PPFIBP2: variants seen among roughly 807,000 people sequenced by gnomAD.
PPFIBP2 encodes PPFIB scaffold protein 2.
PPFIBP2 carries 118 observed loss-of-function variants against 118.3 expected under a neutral mutation model. That is an observed-to-expected ratio of 1.00 (90% CI 0.86 to 1.16). PPFIBP2 has a LOEUF of 1.16. Among genes scored for constraint, PPFIBP2 ranks in the 50% most tolerant of loss-of-function variants. The probability of loss-of-function intolerance (pLI) is 0.00; values close to 1 mark genes in which losing one functional copy is unlikely to be tolerated. For missense variants in PPFIBP2, 1,195 were observed against 1,073.1 expected, an observed-to-expected ratio of 1.11 and a Z score of -1.59; for synonymous variants, 414 against 397.4, an observed-to-expected ratio of 1.04 and a Z score of -0.50.
At chr11:7,645,006 G>A (rs957172540) in intron 17 of PPFIBP2, among the ~76,000 whole-genome samples, 4 of 119,124 alleles carry the variant, frequency 3.4e-5, no homozygotes, top group African/African-American at 7.2e-5. Flanking sequence ...CAGCCTGGGC[G>A]ACAGAGCAAG....
chr11:7,630,296 C>T (rs1400201620), intron 10 of PPFIBP2, among the ~76,000 whole-genome samples: 4 of 152,200 alleles, frequency 2.6e-5, no homozygotes, highest in Non-Finnish European at 4.4e-5. Context: ...CCTCTGCCAG[C>T]CCTCACACAC....
At chr11:7,554,492 A>C (rs951178221) in intron 2 of PPFIBP2, among the ~76,000 whole-genome samples, 2 of 152,204 alleles carry the variant, frequency 1.3e-5, no homozygotes, top group African/African-American at 4.8e-5. Flanking sequence ...TGCAAAAAAA[A>C]GTCTGTCTCC....
At chr11:7,549,616 T>TTTC in intron 2 of PPFIBP2, 77 bp downstream of exon 2, 3 of 1,381,002 alleles carry the variant, frequency 2.2e-6, no homozygotes, top group Non-Finnish European at 2.9e-6. Flanking sequence ...TTACTTTTTT[T>TTTC]TTTTTTTTTG....
chr11:7,596,396 T>G (rs929177459), intron 4 of PPFIBP2, among the ~76,000 whole-genome samples: 1 of 151,990 alleles, frequency 6.6e-6, no homozygotes. Context: ...CTTGTTTTTT[T>G]TTTTTTTTTT....
In PPFIBP2 at chr11:7,648,433, G is replaced by A. The variant is rs1239226460; in HGVS notation, c.1693G>A (p.Ala565Thr). 5.6e-6 allele frequency: 9 copies of A among 1,614,026 alleles called. No individual in the cohort carries two copies. The highest frequency in any genetic ancestry group is 6.8e-6 in the Non-Finnish European group (8 of 1,180,044). ...FAQWSTERVC[A>T]WLEDFGLAQY... is the part of the protein sequence containing the mutation. Reference sequence around the variant, plus strand: ...CCAGTGGAGCACAGAGCGTGTGTGTGCATGGCTGGAGGACTTTGGCCTGGC... The same window carrying A: ...CCAGTGGAGCACAGAGCGTGTGTGTACATGGCTGGAGGACTTTGGCCTGGC... The change falls in exon 18 of 24, where the codon GCA becomes ACA. Residue 565 changes from alanine (A) to threonine (T), a missense_variant. Coordinates refer to ENST00000299492, the MANE Select transcript of PPFIBP2 (RefSeq NM_003621.5).
At chr11:7,635,345 G>T (rs1851315684) in intron 13 of PPFIBP2, among the ~76,000 whole-genome samples, 1 of 152,208 alleles carries the variant, frequency 6.6e-6, no homozygotes, top group Admixed American at 6.5e-5. Context: ...CCATGGTCAT[G>T]TTGCTGGCAG....
chr11:7,555,440 C>T (rs781767055), intron 2 of PPFIBP2, among the ~76,000 whole-genome samples: 17 of 152,174 alleles, frequency 1.1e-4, no homozygotes, highest in Non-Finnish European at 1.8e-4. Flanking sequence ...AGATTGTTCA[C>T]GTTGGCTTGT....
intron 5 of PPFIBP2, among the ~76,000 whole-genome samples, chr11:7,600,312 T>G (rs935422547): frequency 2.6e-5 from 4 of 152,222 alleles, no homozygotes; most frequent in African/African-American, 9.6e-5. Context: ...AAATCCAAAG[T>G]TGAATGTTCG....
chr11:7,539,961 C>G (rs1187374590), intron 1 of PPFIBP2, among the ~76,000 whole-genome samples: 1 of 152,158 alleles, frequency 6.6e-6, no homozygotes, highest in Non-Finnish European at 1.5e-5. Flanking sequence ...CACAATGTGT[C>G]TCTTTTCACC....
intron 16 of PPFIBP2, 47 bp from the exon 17 acceptor site, chr11:7,642,251 C>A: frequency 6.2e-7 from 1 of 1,606,300 alleles, no homozygotes; most frequent in Non-Finnish European, 8.5e-7. Context: ...TGACTGTAGG[C>A]TTTCTGACTA....
downstream of PPFIBP2, among the ~76,000 whole-genome samples, chr11:7,661,321 G>T (rs985207293): frequency 1.3e-5 from 2 of 149,770 alleles, no homozygotes; most frequent in Non-Finnish European, 3.0e-5. Context: ...TGCTTTGAAT[G>T]TGTCCCAGAG....
At chr11:7,630,704 A>T (rs771551182) in intron 10 of PPFIBP2, among the ~76,000 whole-genome samples, 1 of 150,716 alleles carries the variant, frequency 6.6e-6, no homozygotes, top group Non-Finnish European at 1.5e-5. Flanking sequence ...GCAGGGGTAC[A>T]TTACCTCTGT....
At chr11:7,633,801 G>A (rs927501469) in intron 12 of PPFIBP2, among the ~76,000 whole-genome samples, 13 of 152,152 alleles carry the variant, frequency 8.5e-5, no homozygotes, top group Admixed American at 6.5e-4. Context: ...CAAGGAACTC[G>A]GACTGACCAG....
the PPFIBP2 span, chr11:7,666,385 A>T: frequency 1.0e-6 from 1 of 1,002,270 alleles, no homozygotes; most frequent in Non-Finnish European, 1.6e-6. Context: ...AGAGACAGAG[A>T]CCAGTCCTCA....
In PPFIBP2 at chr11:7,650,948, G is replaced by A. The variant is rs1263471317; in HGVS notation, c.2230G>A (p.Val744Ile). 2.5e-6 allele frequency: 4 copies of A among 1,613,794 alleles called. No individual in the cohort carries two copies. Among genetic ancestry groups the A allele is most frequent in the Non-Finnish European group, 2.5e-6 (3 of 1,179,768 alleles). Reference sequence around the variant, plus strand: ...TGCACCCAATCTTCGAGGGAGTGGAGTCCATGGAGGCCTCATTGTGAGTGG... The same window carrying A: ...TGCACCCAATCTTCGAGGGAGTGGAATCCATGGAGGCCTCATTGTGAGTGG... Reference protein sequence around the residue: ...EYAPNLRGSGVHGGLIILEPR... With the variant: ...EYAPNLRGSGIHGGLIILEPR... The change falls in exon 22 of 24, where the codon GTC becomes ATC. Residue 744 changes from valine to isoleucine, a missense_variant. Val to Ile is a conservative substitution (Grantham distance 29, BLOSUM62 3). Coordinates refer to ENST00000299492, the MANE Select transcript of PPFIBP2 (RefSeq NM_003621.5).
chr11:7,577,684 G>C, intron 3 of PPFIBP2: 2 of 455,884 alleles, frequency 4.4e-6, no homozygotes, highest in Non-Finnish European at 8.8e-6. Flanking sequence ...AGATAAGTGA[G>C]GGGGAGACGC....
At chr11:7,576,730 G>C (rs1051097865) in intron 3 of PPFIBP2, 5 of 152,530 alleles carry the variant, frequency 3.3e-5, no homozygotes, top group Non-Finnish European at 5.9e-5. Context: ...CAACAGTCCA[G>C]GGCCAGACTC....
intron 6 of PPFIBP2, among the ~76,000 whole-genome samples, chr11:7,614,684 G>A (rs1208102475): frequency 1.3e-5 from 2 of 152,124 alleles, no homozygotes; most frequent in African/African-American, 2.4e-5. Context: ...CTAGAACATA[G>A]AGGTTATATT....
the PPFIBP2 span, among the ~76,000 whole-genome samples, chr11:7,663,762 C>G: frequency 1.3e-5 from 2 of 152,198 alleles, no homozygotes; most frequent in Admixed American, 6.5e-5. Flanking sequence ...TGCTGCCTTG[C>G]AGTTTGATCT....
Sources: gnomAD v4.1 joint callset for allele counts (sites outside exome capture counted in the v4.1 genomes callset) on GRCh38, gnomAD v4.1.1 for gene constraint, MANE v1.5 for transcripts, NCBI Gene and HGNC (gene_info 2026-07-23, HGNC 2026-07-21) for gene names.